EFCAB5: variants seen among roughly 807,000 people sequenced by gnomAD.
EFCAB5 encodes EF-hand calcium-binding domain-containing protein 5.
A neutral mutation model predicts 167.9 loss-of-function variants in EFCAB5; 131 were observed. The observed-to-expected ratio is 0.78, with a 90% CI of 0.68 to 0.90. The LOEUF (loss-of-function observed/expected upper bound fraction) is 0.90, where lower values mean the gene tolerates loss of function less well. EFCAB5 is among the 40% of genes least tolerant of loss of function. EFCAB5 has a pLI of 0.00. For missense variants in EFCAB5, 1,663 were observed against 1,745.2 expected, an observed-to-expected ratio of 0.95 and a Z score of 0.84; for synonymous variants, 574 against 602.8, an observed-to-expected ratio of 0.95 and a Z score of 0.70.
chr17:29,943,510 C>G, intron 2 of EFCAB5, 55 bp from the exon 3 acceptor site: 2 of 1,425,014 alleles, frequency 1.4e-6, no homozygotes, highest in Non-Finnish European at 9.6e-7. Context: ...ATTTATACAA[C>G]TTTGTTGAAA....
intron 7 of EFCAB5, among the ~76,000 whole-genome samples, chr17:30,020,835 A>T (rs548019661): frequency 8.5e-5 from 13 of 152,286 alleles, no homozygotes; most frequent in South Asian, 2.1e-4. Context: ...GAACCAGTGC[A>T]ATTAAATTTT....
At chr17:30,030,712 G>C (rs984463495) in intron 7 of EFCAB5, among the ~76,000 whole-genome samples, 1 of 151,748 alleles carries the variant, frequency 6.6e-6, no homozygotes, top group Non-Finnish European at 1.5e-5. Context: ...GCCTGGGCTG[G>C]AGTGATGTGA....
rs1028018023 is a variant in EFCAB5 at position 30,090,693 on chromosome 17, C to A, written c.3937+19C>A. 1 of 1,600,318 alleles carries A rather than the reference C, an allele frequency of 6.2e-7. No individual in the cohort carries two copies. Among genetic ancestry groups the A allele is most frequent in the African/African-American group, 1.3e-5 (1 of 74,396 alleles). On this transcript the variant is annotated intron_variant, in intron 20 of 22. Coordinates refer to ENST00000394835, the MANE Select transcript of EFCAB5 (RefSeq NM_198529.4). Reference sequence around the variant, plus strand: ...ATCTTAGGTATCGTTCATGTGGCATCAGTCTAAATTCACAGGTTTAATAGG... The same window carrying A: ...ATCTTAGGTATCGTTCATGTGGCATAAGTCTAAATTCACAGGTTTAATAGG...
intron 8 of EFCAB5, among the ~76,000 whole-genome samples, chr17:30,044,462 A>G (rs1341277092): frequency 1.3e-5 from 2 of 152,082 alleles, no homozygotes; most frequent in Non-Finnish European, 2.9e-5. Context: ...CTGTAATCTC[A>G]GCTACTGGGT....
chr17:30,051,467 T>C (rs2070095648), intron 9 of EFCAB5, among the ~76,000 whole-genome samples: 1 of 152,230 alleles, frequency 6.6e-6, no homozygotes, highest in East Asian at 1.9e-4. Context: ...AGAACTCAGC[T>C]AGAACTCAAT....
chr17:29,964,248 A>G lies in EFCAB5; in HGVS notation c.191-4543A>G, dbSNP rs77343932. 7.8e-3 allele frequency among the ~76,000 whole-genome samples: 1,185 copies of G among 152,224 alleles called. 6 individuals carry two copies. The highest frequency in any genetic ancestry group is 0.014 in the Middle Eastern group (4 of 294). Reference sequence around the variant, plus strand: ...TTCAAGGAATTGGTTCATTTCTTCTAGGTTATCCAATATGTTAGCATAAAA... The same window carrying G: ...TTCAAGGAATTGGTTCATTTCTTCTGGGTTATCCAATATGTTAGCATAAAA... On this transcript the variant is annotated intron_variant, in intron 3 of 22. Transcript: ENST00000394835.
At chr17:30,086,253 C>T (rs971742348) in intron 18 of EFCAB5, among the ~76,000 whole-genome samples, 2 of 152,004 alleles carry the variant, frequency 1.3e-5, no homozygotes, top group African/African-American at 2.4e-5. Context: ...TGTTAATATA[C>T]GTTCTTATAA....
chr17:29,941,525 A>G (rs1314268625), upstream of EFCAB5: 1 of 267,994 alleles, frequency 3.7e-6, no homozygotes, highest in Admixed American at 5.3e-5. Context: ...GATAGTAGTA[A>G]TGATTACTAT....
At chr17:30,073,535 A>C (rs1254974188) in intron 14 of EFCAB5, 5 of 583,800 alleles carry the variant, frequency 8.6e-6, no homozygotes, top group South Asian at 2.3e-5. Flanking sequence ...CATGTGGTCC[A>C]TTTTAAGTAA....
At chr17:30,052,441 C>T (rs868109627) in intron 9 of EFCAB5, among the ~76,000 whole-genome samples, 4 of 152,302 alleles carry the variant, frequency 2.6e-5, no homozygotes, top group African/African-American at 9.6e-5. Context: ...GCTGGGATTA[C>T]AGGCATTGAG....
At chr17:30,031,486 A>G (rs1306194050) in intron 7 of EFCAB5, among the ~76,000 whole-genome samples, 2 of 152,176 alleles carry the variant, frequency 1.3e-5, no homozygotes, top group African/African-American at 2.4e-5. Flanking sequence ...TTTGTTACCT[A>G]CCTCAAGAGT....
chr17:30,100,437 G>T (rs772550253), intron 22 of EFCAB5, among the ~76,000 whole-genome samples: 2 of 152,160 alleles, frequency 1.3e-5, no homozygotes, highest in African/African-American at 4.8e-5. Context: ...GGAGGCACGG[G>T]CTGCAAATTT....
chr17:30,092,775 G>T (rs769595373), intron 21 of EFCAB5, 65 bp from the exon 22 acceptor site: 6 of 1,106,642 alleles, frequency 5.4e-6, no homozygotes, highest in South Asian at 1.4e-5. Flanking sequence ...GTAAGCTGTT[G>T]AACTGGGCAC....
chr17:29,935,755 G>T (rs1240725005), intron 1 of EFCAB5, among the ~76,000 whole-genome samples: 2 of 151,498 alleles, frequency 1.3e-5, no homozygotes, highest in African/African-American at 4.8e-5. Flanking sequence ...AACAGAGGAA[G>T]CAAAGGGAAA....
intron 7 of EFCAB5, among the ~76,000 whole-genome samples, chr17:30,025,464 A>G (rs1362705958): frequency 2.0e-5 from 3 of 152,270 alleles, no homozygotes; most frequent in African/African-American, 2.4e-5. Flanking sequence ...CAAAACCACA[A>G]TGAGATACCA....
intron 4 of EFCAB5, among the ~76,000 whole-genome samples, chr17:29,980,007 TA>T (rs1195134156): frequency 6.6e-6 from 1 of 152,050 alleles, no homozygotes; most frequent in African/African-American, 2.4e-5. Flanking sequence ...CCATCTCTAC[TA>T]AAAATACAAA....
At chr17:30,006,272 G>T (rs142355863) in intron 7 of EFCAB5, among the ~76,000 whole-genome samples, 1 of 151,940 alleles carries the variant, frequency 6.6e-6, no homozygotes, top group Non-Finnish European at 1.5e-5. Flanking sequence ...TAAAATTTTG[G>T]TGGTTTCTAA....
chr17:29,982,497 G>A (rs1026379722), intron 4 of EFCAB5, among the ~76,000 whole-genome samples: 9 of 152,188 alleles, frequency 5.9e-5, no homozygotes, highest in Non-Finnish European at 1.3e-4. Context: ...AACTTGCCAG[G>A]CAAAGGAATA....
intron 3 of EFCAB5, among the ~76,000 whole-genome samples, chr17:29,952,802 G>A (rs759559425): frequency 2.0e-5 from 3 of 151,904 alleles, no homozygotes; most frequent in Non-Finnish European, 4.4e-5. Flanking sequence ...TTAATATATA[G>A]GTAATTTTTT....
Sources: allele counts gnomAD v4.1 joint callset (sites outside exome capture counted in the v4.1 genomes callset), GRCh38; gene constraint gnomAD v4.1.1; transcripts MANE v1.5; gene names NCBI Gene and HGNC (gene_info 2026-07-23, HGNC 2026-07-21).